Variants in PHACTR1 observed in about 807,000 individuals in gnomAD.
PHACTR1 encodes RPEL repeat containing 1.
In PHACTR1, 16 loss-of-function variants were observed where a neutral mutation model predicts 69.2. The observed-to-expected ratio is 0.23, with a 90% CI of 0.16 to 0.35. The LOEUF (loss-of-function observed/expected upper bound fraction) is 0.35, where lower values mean the gene tolerates loss of function less well. PHACTR1 is among the 10% of genes least tolerant of loss of function. The pLI is 1.00. For synonymous variants in PHACTR1, 312 were observed against 284.5 expected (o/e 1.10, Z -0.97); for missense variants, 510 against 734.7 (o/e 0.69, Z 3.54).
intron 4 of PHACTR1, among the ~76,000 whole-genome samples, chr6:13,039,073 A>G (rs1385101742): frequency 6.6e-6 from 1 of 152,216 alleles, no homozygotes; most frequent in Non-Finnish European, 1.5e-5. Flanking sequence ...ACATTCTTTT[A>G]GTAGGGCAAA....
chr6:12,734,300 C>T (rs1231371208), intron 3 of PHACTR1, among the ~76,000 whole-genome samples: 3 of 152,156 alleles, frequency 2.0e-5, no homozygotes, highest in East Asian at 1.9e-4. Flanking sequence ...GGGAATTATG[C>T]CAAGGTTTAA....
At position 13,131,625 on chromosome 6, in the gene PHACTR1, G is replaced by A. The variant is rs148715503; in HGVS notation, c.416-28579G>A. On this transcript the variant is annotated intron_variant, in intron 5 of 14. Transcript: ENST00000332995. ...AAAAAATTTCTGTAACTCTCAATAA[G>A]TTAAGAGCAATGTTTATTTTTAAAT... Among the ~76,000 whole-genome samples, 814 of 151,668 alleles carry A rather than the reference G, an allele frequency of 5.4e-3. 7 individuals are homozygous for A. Among genetic ancestry groups the A allele is most frequent in the African/African-American group, 0.018 (745 of 40,990 alleles).
chr6:12,878,743 T>G (rs1430832472), intron 4 of PHACTR1, among the ~76,000 whole-genome samples: 1 of 152,218 alleles, frequency 6.6e-6, no homozygotes, highest in Non-Finnish European at 1.5e-5. Flanking sequence ...TCTGAAATAT[T>G]TAGAGCACCA....
chr6:12,899,171 A>G (rs1176265366), intron 4 of PHACTR1, among the ~76,000 whole-genome samples: 1 of 152,174 alleles, frequency 6.6e-6, no homozygotes, highest in Non-Finnish European at 1.5e-5. Context: ...CCCCACTTTA[A>G]TAGGGCTGTA....
chr6:12,876,574 C>T (rs765637301), intron 4 of PHACTR1, among the ~76,000 whole-genome samples: 1 of 152,142 alleles, frequency 6.6e-6, no homozygotes, highest in Non-Finnish European at 1.5e-5. Context: ...TCCTGCAAGG[C>T]CAAGCATGCA....
intron 5 of PHACTR1, among the ~76,000 whole-genome samples, chr6:13,107,273 G>A (rs1011354021): frequency 7.2e-5 from 11 of 152,240 alleles, no homozygotes; most frequent in African/African-American, 2.6e-4. Flanking sequence ...AGCATGCCTG[G>A]CTAATTTTTA....
At chr6:13,140,961 G>C (rs558835031) in intron 5 of PHACTR1, among the ~76,000 whole-genome samples, 1 of 152,124 alleles carries the variant, frequency 6.6e-6, no homozygotes, top group Admixed American at 6.5e-5. Context: ...TTTAATGAGG[G>C]GAGAAATCAA....
chr6:13,073,782 T>A (rs1809936271), intron 5 of PHACTR1, among the ~76,000 whole-genome samples: 2 of 152,120 alleles, frequency 1.3e-5, no homozygotes, highest in Admixed American at 1.3e-4. Flanking sequence ...AGCCCCTTTT[T>A]TTCATATTAG....
intron 10 of PHACTR1, among the ~76,000 whole-genome samples, chr6:13,231,087 G>GGGAA (rs1421725478): frequency 0.61 from 9,015 of 14,686 alleles, 2,542 homozygotes; most frequent in South Asian, 0.65. Flanking sequence ...AAGGAAGGAA[G>GGGAA]AAGGAAGGAA....
At position 13,283,378 on chromosome 6, in the gene PHACTR1, CA is replaced by C. The variant is rs1780742395; in HGVS notation, c.1510-42del. 1 of 1,597,024 alleles carries C rather than the reference CA, an allele frequency of 6.3e-7. No individual in the cohort carries two copies. The highest frequency in any genetic ancestry group is 1.3e-5 in the African/African-American group (1 of 74,544). ...CACAGACAGGACCAAGTGCCATGGT[CA>C]ACCCTTCTGGCTGACTGGGTCCATC... On this transcript the variant is annotated intron_variant, in intron 12 of 14. Coordinates refer to ENST00000332995, the MANE Select transcript of PHACTR1 (RefSeq NM_030948.6). This position sits in a 1 kb window ranked among gnomAD's most constrained non-coding sequence, Gnocchi z 4.7.
At chr6:12,955,265 C>T (rs1306140732) in intron 4 of PHACTR1, among the ~76,000 whole-genome samples, 1 of 138,088 alleles carries the variant, frequency 7.2e-6, no homozygotes, top group Non-Finnish European at 1.5e-5. Context: ...GTAGTACAGT[C>T]GTGGCTCACC....
chr6:13,285,544 CTG>C (rs1369296483), intron 13 of PHACTR1, among the ~76,000 whole-genome samples: 1 of 152,150 alleles, frequency 6.6e-6, no homozygotes, highest in Non-Finnish European at 1.5e-5. Context: ...ATTCCAGGCC[CTG>C]TGTCTTCAGT....
intron 10 of PHACTR1, chr6:13,252,906 C>G (rs1584242910): frequency 3.3e-6 from 1 of 299,708 alleles, no homozygotes; most frequent in South Asian, 2.6e-5. Context: ...CCCCCCTCCA[C>G]TTGAGCATCT....
At chr6:12,949,670 T>G (rs1791078996) in intron 4 of PHACTR1, among the ~76,000 whole-genome samples, 1 of 152,234 alleles carries the variant, frequency 6.6e-6, no homozygotes. Context: ...AACCCTGATA[T>G]AAAACACTTT....
At chr6:12,768,808 CTA>C (rs1491312014) in intron 4 of PHACTR1, among the ~76,000 whole-genome samples, 1 of 107,868 alleles carries the variant, frequency 9.3e-6, no homozygotes, top group Non-Finnish European at 1.8e-5. Flanking sequence ...AATGTGCTAT[CTA>C]CACACACACA....
intron 4 of PHACTR1, among the ~76,000 whole-genome samples, chr6:12,835,650 A>C (rs1332091551): frequency 6.6e-6 from 1 of 152,154 alleles, no homozygotes; most frequent in Non-Finnish European, 1.5e-5. Flanking sequence ...GGGATAGACT[A>C]AATATTAATA....
At chr6:12,823,777 T>C (rs1157765034) in intron 4 of PHACTR1, among the ~76,000 whole-genome samples, 1 of 152,242 alleles carries the variant, frequency 6.6e-6, no homozygotes, top group Non-Finnish European at 1.5e-5. Flanking sequence ...TTTTAGAAGC[T>C]TCTACTTAGT....
At chr6:13,062,114 G>A (rs1401001058) in intron 5 of PHACTR1, among the ~76,000 whole-genome samples, 1 of 152,096 alleles carries the variant, frequency 6.6e-6, no homozygotes, top group Non-Finnish European at 1.5e-5. Context: ...AAATATGTTG[G>A]GAACTCTCCT....
At chr6:13,031,376 T>C (rs983102632) in intron 4 of PHACTR1, among the ~76,000 whole-genome samples, 2 of 152,264 alleles carry the variant, frequency 1.3e-5, no homozygotes, top group Admixed American at 6.5e-5. Context: ...TTTTAGACTT[T>C]GTGAATTTTG....
Sources: allele counts gnomAD v4.1 joint callset (sites outside exome capture counted in the v4.1 genomes callset), GRCh38; gene constraint gnomAD v4.1.1; non-coding constraint Gnocchi (gnomAD v3.1); transcripts MANE v1.5; gene names NCBI Gene and HGNC (gene_info 2026-07-23, HGNC 2026-07-21).